LRRC37A2: variants seen among roughly 807,000 people sequenced by gnomAD.
LRRC37A2 encodes the protein leucine-rich repeat-containing protein 37A2.
In LRRC37A2, 9 loss-of-function variants were observed where a neutral mutation model predicts 68.8. The observed-to-expected ratio is 0.13, with a 90% CI of 0.08 to 0.23. The LOEUF is 0.23. LRRC37A2 is among the 10% of genes least tolerant of loss of function. The pLI is 1.00. For missense variants in LRRC37A2, 168 were observed against 950.4 expected (o/e 0.18, Z 10.82); for synonymous variants, 63 against 367.6 (o/e 0.17, Z 9.48).
chr17:46,865,854 C>T, the LRRC37A2 span, among the ~76,000 whole-genome samples: 1 of 152,168 alleles, frequency 6.6e-6, no homozygotes, highest in African/African-American at 2.4e-5. Flanking sequence ...TCAAGTGATT[C>T]ACCTGCCTTG....
At chr17:46,766,431 G>C in the LRRC37A2 span, among the ~76,000 whole-genome samples, 1 of 152,026 alleles carries the variant, frequency 6.6e-6, no homozygotes, top group Non-Finnish European at 1.5e-5. Flanking sequence ...AGTTCTGCTG[G>C]GCTCCCATTG....
the LRRC37A2 span, among the ~76,000 whole-genome samples, chr17:46,784,983 T>C: frequency 2.2e-4 from 33 of 152,226 alleles, no homozygotes; most frequent in Admixed American, 7.2e-4. Context: ...TTCACTGTGT[T>C]AGCCAGGATG....
chr17:46,742,200 G>T, the LRRC37A2 span, among the ~76,000 whole-genome samples: 1 of 152,150 alleles, frequency 6.6e-6, no homozygotes, highest in Non-Finnish European at 1.5e-5. Flanking sequence ...CATACATGCC[G>T]TTCATTCTAG....
the LRRC37A2 span, among the ~76,000 whole-genome samples, chr17:46,970,617 T>C: frequency 4.0e-5 from 6 of 149,800 alleles, no homozygotes; most frequent in Non-Finnish European, 8.9e-5. Flanking sequence ...CAATCAGTCG[T>C]CAGCTGAGCT....
At chr17:46,898,491 G>T in the LRRC37A2 span, among the ~76,000 whole-genome samples, 1 of 152,214 alleles carries the variant, frequency 6.6e-6, no homozygotes, top group South Asian at 2.1e-4. Context: ...CTTCTTATGA[G>T]ACCTGGCCTC....
At chr17:46,815,211 C>T in the LRRC37A2 span, among the ~76,000 whole-genome samples, 1 of 152,028 alleles carries the variant, frequency 6.6e-6, no homozygotes, top group Non-Finnish European at 1.5e-5. Context: ...CAAGTTTCTC[C>T]ACCAGGAGCT....
chr17:46,494,558 AT>A, the LRRC37A2 span, among the ~76,000 whole-genome samples: 1 of 150,630 alleles, frequency 6.6e-6, no homozygotes, highest in Non-Finnish European at 1.5e-5. Context: ...TATCAATTAT[AT>A]TGTTTCGATT....
At chr17:46,492,919 A>G in the LRRC37A2 span, among the ~76,000 whole-genome samples, 14 of 148,986 alleles carry the variant, frequency 9.4e-5, no homozygotes, top group South Asian at 1.0e-3. Context: ...TGGTCTCGAT[A>G]TCCTGACCTC....
the LRRC37A2 span, among the ~76,000 whole-genome samples, chr17:46,628,009 AAAAAAC>A: frequency 1.0e-4 from 2 of 19,906 alleles, no homozygotes; most frequent in African/African-American, 1.7e-4. Flanking sequence ...TTAAAAAAGA[AAAAAAC>A]AAAAACAAAA....
the LRRC37A2 span, among the ~76,000 whole-genome samples, chr17:47,034,811 T>C: frequency 6.6e-6 from 1 of 151,824 alleles, no homozygotes; most frequent in African/African-American, 2.4e-5. Context: ...CCAGTGGTCT[T>C]ACAACTTTTC....
At chr17:46,760,647 A>G in the LRRC37A2 span, among the ~76,000 whole-genome samples, 13 of 150,880 alleles carry the variant, frequency 8.6e-5, no homozygotes, top group East Asian at 1.9e-4. Context: ...AAAAAAAAAA[A>G]AAAGAAAAAA....
the LRRC37A2 span, chr17:46,935,762 A>T: frequency 1.0e-6 from 1 of 987,152 alleles, no homozygotes. Context: ...ACCAGTTGGC[A>T]CTGCTGAGAC....
At chr17:46,721,801 C>G in the LRRC37A2 span, 1 of 1,601,028 alleles carries the variant, frequency 6.2e-7, no homozygotes, top group Non-Finnish European at 8.6e-7. Flanking sequence ...GCACAGCTGT[C>G]AGAGTACGGC....
chr17:46,933,438 A>G, the LRRC37A2 span: 9 of 152,328 alleles, frequency 5.9e-5, 1 homozygote, highest in South Asian at 1.9e-3. Context: ...TTCAAACGCC[A>G]GCATCTTCTG....
At chr17:46,499,140 C>A in the LRRC37A2 span, among the ~76,000 whole-genome samples, 4 of 144,680 alleles carry the variant, frequency 2.8e-5, no homozygotes, top group Admixed American at 6.8e-5. Flanking sequence ...CATGGTGAGA[C>A]CCCGTCTCTA....
chr17:46,820,318 G>T, the LRRC37A2 span, among the ~76,000 whole-genome samples: 4 of 152,184 alleles, frequency 2.6e-5, no homozygotes, highest in Non-Finnish European at 5.9e-5. Context: ...TGGACTGGAG[G>T]GGGTGGGAGG....
the LRRC37A2 span, among the ~76,000 whole-genome samples, chr17:46,797,201 G>A: frequency 6.6e-6 from 1 of 152,164 alleles, no homozygotes; most frequent in East Asian, 1.9e-4. Flanking sequence ...TTTGACTCCA[G>A]AAGCCTTTCT....
chr17:47,033,108 T>C, the LRRC37A2 span, among the ~76,000 whole-genome samples: 2 of 150,790 alleles, frequency 1.3e-5, no homozygotes, highest in East Asian at 3.9e-4. Flanking sequence ...TCCCAGCTAC[T>C]CTGAAGGCTG....
At chr17:46,936,530 G>A in the LRRC37A2 span, 1 of 985,524 alleles carries the variant, frequency 1.0e-6, no homozygotes, top group South Asian at 4.7e-5. Context: ...CTCACACCCT[G>A]CCTCCGTCGG....
Sources: gnomAD v4.1 joint callset for allele counts (sites outside exome capture counted in the v4.1 genomes callset) on GRCh38, gnomAD v4.1.1 for gene constraint, MANE v1.5 for transcripts, NCBI Gene and HGNC (gene_info 2026-07-23, HGNC 2026-07-21) for gene names.